PPP1R12A: variants seen among roughly 807,000 people sequenced by gnomAD.
The protein encoded by PPP1R12A is myosin binding subunit.
In PPP1R12A, 19 loss-of-function variants were observed where a neutral mutation model predicts 139.6. That is an observed-to-expected ratio of 0.14 (90% CI 0.09 to 0.20). PPP1R12A has a LOEUF of 0.20. Ranked by LOEUF, PPP1R12A falls within the 10% of genes least tolerant of loss-of-function variation. The pLI, the probability that PPP1R12A is intolerant of heterozygous loss-of-function variation, is 1.00. For missense variants in PPP1R12A, 925 were observed against 1,211.5 expected (o/e 0.76, Z 3.51); for synonymous variants, 427 against 420.6 (o/e 1.02, Z -0.19).
chr12:79,881,223 G>C (rs1213817735), intron 1 of PPP1R12A, among the ~76,000 whole-genome samples: 2 of 152,170 alleles, frequency 1.3e-5, no homozygotes, highest in Non-Finnish European at 2.9e-5. Context: ...TTAAAAGCTA[G>C]AAATGATTAA....
At chr12:79,780,014 G>C (rs1364642529) in intron 23 of PPP1R12A, 2 of 152,304 alleles carry the variant, frequency 1.3e-5, no homozygotes, top group African/African-American at 4.8e-5. Flanking sequence ...ACCAGCCTTG[G>C]CAACAAAGTG....
chr12:79,843,867 G>A (rs1879075632), intron 3 of PPP1R12A, among the ~76,000 whole-genome samples: 1 of 151,642 alleles, frequency 6.6e-6, no homozygotes, highest in Non-Finnish European at 1.5e-5. Context: ...ACCACGCCCA[G>A]CTAATTTTTG....
chr12:79,921,161 A>ATT lies in PPP1R12A; in HGVS notation c.237+13532_237+13533dup, dbSNP rs539949775. 3.3e-3 allele frequency among the ~76,000 whole-genome samples: 493 copies of ATT among 151,638 alleles called. 2 individuals carry two copies. Among genetic ancestry groups the ATT allele is most frequent in the Non-Finnish European group, 5.1e-3 (346 of 67,850 alleles). On this transcript the variant is annotated intron_variant, in intron 1 of 24. Transcript: ENST00000450142. The stretch of plus-strand genomic sequence containing the variant: ...ATGTTAAATGAATATACAAAAGATG[A>ATT]TTTTTTTTTAGGTGTGTGCATGGTA...
intron 2 of PPP1R12A, among the ~76,000 whole-genome samples, chr12:79,865,004 A>C (rs1592735206): frequency 6.6e-6 from 1 of 152,322 alleles, no homozygotes; most frequent in East Asian, 1.9e-4. Context: ...AGCCTGGCAG[A>C]GACACAACAA....
Position 79,796,951 on chromosome 12 carries a change from CTG to C in PPP1R12A, c.2293-3_2293-2del. The C allele has an allele frequency of 1.3e-6, 2 of 1,596,638 alleles. No homozygotes were observed. The highest frequency in any genetic ancestry group is 1.7e-6 in the Non-Finnish European group (2 of 1,174,542). The stretch of plus-strand genomic sequence containing the variant: ...ATACTGGCCTATAACGCTGGTAAGT[CTG>C]TGAAACATTAAGATCAAAACCCATT... On this transcript the variant is annotated splice_acceptor_variant and splice_polypyrimidine_tract_variant and intron_variant, in intron 16 of 24. Coordinates refer to ENST00000450142, the MANE Select transcript of PPP1R12A (RefSeq NM_002480.3). LOFTEE classifies it high-confidence loss of function.
rs369362742 is a variant in PPP1R12A, at chr12:79,775,917, CTTTT to C, written c.*8_*11del. 5.4e-6 allele frequency: 7 copies of C among 1,304,500 alleles called. No individual in the cohort carries two copies. The highest frequency in any genetic ancestry group is 2.8e-5 in the South Asian group (2 of 72,614). 80.8% of individuals were successfully genotyped at this position (1,304,500 alleles called of 1,614,324 possible). On this transcript the variant is annotated 3_prime_UTR_variant, in exon 25 of 25. Coordinates refer to ENST00000450142, the MANE Select transcript of PPP1R12A (RefSeq NM_002480.3). ...ATATGTGCAATTCCATTACTTGCTG[CTTTT>C]TTTTTTTTTATTTGGAAAGTTTGCT... is the stretch of plus-strand genomic sequence containing the variant.
At chr12:79,867,868 A>G (rs1343618053) in intron 2 of PPP1R12A, among the ~76,000 whole-genome samples, 1 of 152,078 alleles carries the variant, frequency 6.6e-6, no homozygotes, top group African/African-American at 2.4e-5. Context: ...TCCTGCCGCC[A>G]TGTGAAGAAG....
intron 1 of PPP1R12A, among the ~76,000 whole-genome samples, chr12:79,876,895 C>T (rs1325788856): frequency 6.6e-6 from 1 of 152,040 alleles, no homozygotes; most frequent in Non-Finnish European, 1.5e-5. Flanking sequence ...CCTGTAGTCC[C>T]AGCTACTCGG....
At chr12:79,787,185 C>G (rs906083235) in intron 21 of PPP1R12A, 1 of 152,002 alleles carries the variant, frequency 6.6e-6, no homozygotes, top group Non-Finnish European at 1.5e-5. Flanking sequence ...TTTCATAGGC[C>G]AACCATTCCA....
intron 1 of PPP1R12A, among the ~76,000 whole-genome samples, chr12:79,903,262 C>T (rs1316337649): frequency 6.6e-6 from 1 of 151,974 alleles, no homozygotes; most frequent in Admixed American, 6.6e-5. Flanking sequence ...ACCAGCCTGG[C>T]CAACATTGTG....
chr12:79,868,795 T>C (rs1882261127), intron 2 of PPP1R12A, among the ~76,000 whole-genome samples: 1 of 150,592 alleles, frequency 6.6e-6, no homozygotes, highest in Non-Finnish European at 1.5e-5. Flanking sequence ...AGTAAGAATT[T>C]TGGGTGACAC....
upstream of PPP1R12A, chr12:79,935,112 G>C: frequency 7.3e-7 from 1 of 1,367,738 alleles, no homozygotes; most frequent in Non-Finnish European, 9.4e-7. Flanking sequence ...CGGCGCACCC[G>C]GCCGAGCGGA....
At chr12:79,868,243 T>C (rs909692212) in intron 2 of PPP1R12A, among the ~76,000 whole-genome samples, 1 of 152,194 alleles carries the variant, frequency 6.6e-6, no homozygotes, top group Non-Finnish European at 1.5e-5. Flanking sequence ...TAATTCAAGA[T>C]TGGAACAATA....
chr12:79,821,276 A>AT, intron 6 of PPP1R12A, 110 bp from the exon 7 acceptor site: 1 of 697,370 alleles, frequency 1.4e-6, no homozygotes, highest in Admixed American at 2.9e-5. Flanking sequence ...AAATAAGACA[A>AT]AACAAAGAAA....
chr12:79,909,474 C>T (rs879087558), intron 1 of PPP1R12A, among the ~76,000 whole-genome samples: 1 of 152,022 alleles, frequency 6.6e-6, no homozygotes. Flanking sequence ...TGGTGGCTCA[C>T]GTCTGTAATC....
Position 79,775,263 on chromosome 12 carries a change from T to C in PPP1R12A, c.*666A>G, listed in dbSNP as rs1380235111. ...CATTCATATAAGAAATAAATGCATA[T>C]TGCACAAACAGTGAAAGCATATGTT... On this transcript the variant is annotated 3_prime_UTR_variant, in exon 25 of 25. Coordinates refer to ENST00000450142, the MANE Select transcript of PPP1R12A (RefSeq NM_002480.3). 6.6e-6 allele frequency: 1 copy of C among 152,622 alleles called. No homozygotes were observed. 9.5% of individuals were successfully genotyped at this position (152,622 alleles called of 1,614,324 possible).
intron 11 of PPP1R12A, among the ~76,000 whole-genome samples, chr12:79,807,569 C>T (rs576907465): frequency 7.9e-5 from 12 of 151,400 alleles, no homozygotes; most frequent in Non-Finnish European, 1.6e-4. Context: ...TTTTTGATCA[C>T]AAAATATAAA....
At chr12:79,921,967 T>A (rs1887471614) in intron 1 of PPP1R12A, among the ~76,000 whole-genome samples, 1 of 152,184 alleles carries the variant, frequency 6.6e-6, no homozygotes, top group Non-Finnish European at 1.5e-5. Context: ...ACAATTTTCC[T>A]CAGCCAGGCA....
At chr12:79,878,469 T>C (rs1158441604) in intron 1 of PPP1R12A, 3 of 152,064 alleles carry the variant, frequency 2.0e-5, no homozygotes, top group Non-Finnish European at 2.9e-5. Context: ...TAAAAGAATA[T>C]AGGAGAAAAC....
Sources: gnomAD v4.1 joint callset for allele counts (sites outside exome capture counted in the v4.1 genomes callset) on GRCh38, gnomAD v4.1.1 for gene constraint, MANE v1.5 for transcripts, NCBI Gene and HGNC (gene_info 2026-07-23, HGNC 2026-07-21) for gene names.